STIL: variants seen among roughly 807,000 people sequenced by gnomAD.
STIL encodes STIL centriolar assembly protein.
STIL carries 55 observed loss-of-function variants against 110.1 expected under a neutral mutation model. That is an observed-to-expected ratio of 0.50 (90% CI 0.40 to 0.63). The LOEUF is 0.63. Ranked by LOEUF, STIL falls within the 20% of genes least tolerant of loss-of-function variation. The probability of loss-of-function intolerance (pLI) is 0.00; values close to 1 mark genes in which losing one functional copy is unlikely to be tolerated. For synonymous variants in STIL, 481 were observed against 530.0 expected (o/e 0.91, Z 1.27); for missense variants, 1,358 against 1,530.0 (o/e 0.89, Z 1.87).
rs1034170350 is a variant in STIL, at chr1:47,314,049, G to A, written c.-57C>T. 2.0e-5 allele frequency: 3 copies of A among 152,332 alleles called. No individual in the cohort carries two copies. Among genetic ancestry groups the A allele is most frequent in the Non-Finnish European group, 2.9e-5 (2 of 68,110 alleles). The allele number at this position is 152,332 out of a possible 1,614,324, so 9.4% of individuals were successfully genotyped here. On this transcript the variant is annotated 5_prime_UTR_variant, in exon 1 of 17. Coordinates refer to ENST00000371877, the MANE Select transcript of STIL (RefSeq NM_001048166.1). Reference sequence around the variant, plus strand: ...AGCTCCACTTACCGCAACTTCCGCGGAGCTGAGGTCTGTTTGCAGGGTAGG... The same window carrying A: ...AGCTCCACTTACCGCAACTTCCGCGAAGCTGAGGTCTGTTTGCAGGGTAGG...
At chr1:47,280,216 A>T (rs769720181) in intron 12 of STIL, 25 bp downstream of exon 12, 37 of 1,614,004 alleles carry the variant, frequency 2.3e-5, no homozygotes, top group Non-Finnish European at 3.0e-5. Context: ...AGAAATTAAT[A>T]GAACTAGGAA....
At chr1:47,312,255 C>G (rs992932948) in intron 1 of STIL, among the ~76,000 whole-genome samples, 5 of 152,028 alleles carry the variant, frequency 3.3e-5, no homozygotes, top group Non-Finnish European at 7.4e-5. Flanking sequence ...CTTTGGGAGG[C>G]CGAGGTGGGT....
At chr1:47,288,892 C>CAAAAAAA (rs138649605) in intron 9 of STIL, among the ~76,000 whole-genome samples, 1 of 94,768 alleles carries the variant, frequency 1.1e-5, no homozygotes, top group African/African-American at 3.8e-5. Context: ...AATGAAAATA[C>CAAAAAAA]AAAAAAAAAA....
chr1:47,295,646 ACTTAT>A, intron 7 of STIL, 114 bp downstream of exon 7: 1 of 730,526 alleles, frequency 1.4e-6, no homozygotes, highest in Non-Finnish European at 2.3e-6. Context: ...CCTGACAACC[ACTTAT>A]CTTTGTGGCT....
At position 47,288,892 on chromosome 1, in the gene STIL, C is replaced by CA. The variant is rs138649605; in HGVS notation, c.1023+542dup. On this transcript the variant is annotated intron_variant, in intron 9 of 16. Transcript: ENST00000371877. ...TGAAACTCCCTCTCTAATGAAAATA[C>CA]AAAAAAAAAAAAAAAAAAAAATAGC... Among the ~76,000 whole-genome samples, 658 of 94,762 alleles carry CA rather than the reference C, an allele frequency of 6.9e-3. 2 individuals carry two copies. The highest frequency in any genetic ancestry group is 0.018 in the Middle Eastern group (3 of 170). The allele number at this position is 94,762 out of a possible 152,430, so 62.2% of individuals were successfully genotyped here.
intron 14 of STIL, among the ~76,000 whole-genome samples, chr1:47,263,936 A>G (rs889407202): frequency 6.6e-6 from 1 of 151,786 alleles, no homozygotes; most frequent in Non-Finnish European, 1.5e-5. Context: ...TATTTTTAGT[A>G]GAGATGGGGT....
At chr1:47,307,933 G>A (rs1319104360) in intron 2 of STIL, among the ~76,000 whole-genome samples, 1 of 152,122 alleles carries the variant, frequency 6.6e-6, no homozygotes, top group Non-Finnish European at 1.5e-5. Flanking sequence ...CTCCCATAGC[G>A]CTCCCAGGCT....
chr1:47,272,355 T>A, intron 12 of STIL, 114 bp from the exon 13 acceptor site: 1 of 1,099,850 alleles, frequency 9.1e-7, no homozygotes, highest in African/African-American at 1.6e-5. Context: ...CTTTTAAGTC[T>A]ATTTTCTCAA....
rs1645825740 is a variant in STIL at position 47,302,229 on chromosome 1, A to G, written c.265+5T>C. On this transcript the variant is annotated splice_donor_5th_base_variant and intron_variant, in intron 4 of 16. Coordinates refer to ENST00000371877, the MANE Select transcript of STIL (RefSeq NM_001048166.1). ...AGCACTGGTCCATTTTTAAAAGTGT[A>G]TTACCTTCGTCTGCTGTCAGAGAAC... The G allele has an allele frequency of 1.2e-6, 2 of 1,603,942 alleles. No individual in the cohort carries two copies. The highest frequency in any genetic ancestry group is 1.7e-6 in the Non-Finnish European group (2 of 1,170,902).
At chr1:47,266,730 G>A (rs1644665059) in intron 14 of STIL, among the ~76,000 whole-genome samples, 1 of 152,016 alleles carries the variant, frequency 6.6e-6, no homozygotes, top group Non-Finnish European at 1.5e-5. Flanking sequence ...CATCTCACTT[G>A]GTCTTTAGTT....
chr1:47,304,334 A>C (rs533169946), intron 3 of STIL, among the ~76,000 whole-genome samples: 84 of 152,118 alleles, frequency 5.5e-4, no homozygotes, highest in Non-Finnish European at 1.0e-3. Flanking sequence ...ATAGCACCTT[A>C]AACCATTACA....
chr1:47,285,277 C>T (rs991217387), intron 10 of STIL, among the ~76,000 whole-genome samples: 1 of 152,114 alleles, frequency 6.6e-6, no homozygotes. Flanking sequence ...AGCAATCCTC[C>T]CGCCTCAGCC....
chr1:47,268,476 T>C (rs9436749), intron 14 of STIL, among the ~76,000 whole-genome samples: 64,642 of 149,716 alleles, frequency 0.43, 15,880 homozygotes, highest in Middle Eastern at 0.58. Flanking sequence ...TAAAATAGGC[T>C]GGGCACAGTG....
chr1:47,262,462 A>T (rs1644512958), intron 15 of STIL, among the ~76,000 whole-genome samples: 1 of 152,224 alleles, frequency 6.6e-6, no homozygotes, highest in South Asian at 2.1e-4. Context: ...TCAAGGGCAC[A>T]GAGTGTCATA....
At position 47,276,431 on chromosome 1, in the gene STIL, A is replaced by C. The variant is rs139226389; in HGVS notation, c.2217+3810T>G. 3.6e-3 allele frequency among the ~76,000 whole-genome samples: 547 copies of C among 152,084 alleles called. 6 individuals carry two copies. The highest frequency in any genetic ancestry group is 0.012 in the African/African-American group (510 of 41,508). Reference sequence around the variant, plus strand: ...ATACATATACATATATATATATATGAATGATAAAGGACCAATTTCCTTCAT... The same window carrying C: ...ATACATATACATATATATATATATGCATGATAAAGGACCAATTTCCTTCAT... On this transcript the variant is annotated intron_variant, in intron 12 of 16. Transcript: ENST00000371877.
chr1:47,264,726 G>A (rs1163428725), intron 14 of STIL, among the ~76,000 whole-genome samples: 1 of 152,148 alleles, frequency 6.6e-6, no homozygotes, highest in Admixed American at 6.6e-5. Flanking sequence ...CAGACCAAAA[G>A]TGCGAGAAGG....
At chr1:47,311,818 G>T (rs1342429868) in intron 1 of STIL, among the ~76,000 whole-genome samples, 1 of 152,146 alleles carries the variant, frequency 6.6e-6, no homozygotes, top group African/African-American at 2.4e-5. Flanking sequence ...AGGCCGAGGT[G>T]GGTGGATCAC....
intron 2 of STIL, among the ~76,000 whole-genome samples, chr1:47,306,262 T>A (rs1357843425): frequency 2.1e-5 from 2 of 93,916 alleles, no homozygotes; most frequent in East Asian, 6.6e-4. Context: ...TTCTTTTCTT[T>A]CCTTTTTTTT....
intron 6 of STIL, among the ~76,000 whole-genome samples, chr1:47,299,420 G>A (rs1266344180): frequency 7.1e-6 from 1 of 140,238 alleles, no homozygotes; most frequent in African/African-American, 2.8e-5. Context: ...TTTTTGAAAC[G>A]GAGTCTCTGT....
Sources: allele counts gnomAD v4.1 joint callset (sites outside exome capture counted in the v4.1 genomes callset), GRCh38; gene constraint gnomAD v4.1.1; transcripts MANE v1.5; gene names NCBI Gene and HGNC (gene_info 2026-07-23, HGNC 2026-07-21).